Variants in ZMAT4 observed in about 807,000 individuals in gnomAD.
ZMAT4 encodes zinc finger matrin-type 4.
In ZMAT4, 17 loss-of-function variants were observed where a neutral mutation model predicts 28.7. That is an observed-to-expected ratio of 0.59 (90% CI 0.41 to 0.89). The LOEUF (loss-of-function observed/expected upper bound fraction) is 0.89, where lower values mean the gene tolerates loss of function less well. Ranked by LOEUF, ZMAT4 falls within the 40% of genes least tolerant of loss-of-function variation. ZMAT4 has a pLI of 0.00. For synonymous variants in ZMAT4, 117 were observed against 109.2 expected (o/e 1.07, Z -0.44); for missense variants, 240 against 283.8 (o/e 0.85, Z 1.11).
chr8:40,849,769 G>A (rs762014436), intron 1 of ZMAT4, among the ~76,000 whole-genome samples: 19 of 152,160 alleles, frequency 1.2e-4, no homozygotes, highest in Non-Finnish European at 2.6e-4. Flanking sequence ...TAGATCAGTG[G>A]TTGGCACAGA....
intron 4 of ZMAT4, among the ~76,000 whole-genome samples, chr8:40,688,911 A>G (rs1809538018): frequency 6.6e-6 from 1 of 152,148 alleles, no homozygotes; most frequent in Non-Finnish European, 1.5e-5. Context: ...GGATGAGCAA[A>G]TGGATTTGTG....
chr8:40,781,405 G>A (rs1007775825), intron 2 of ZMAT4, among the ~76,000 whole-genome samples: 52 of 152,228 alleles, frequency 3.4e-4, no homozygotes, highest in African/African-American at 1.2e-3. Context: ...AAAAGCTATA[G>A]TAATCAAGAC....
At chr8:40,832,456 C>T (rs866140005) in intron 1 of ZMAT4, among the ~76,000 whole-genome samples, 9 of 152,252 alleles carry the variant, frequency 5.9e-5, no homozygotes, top group South Asian at 4.1e-4. Flanking sequence ...CCTGACACCT[C>T]GAAAAGCCGC....
intron 3 of ZMAT4, among the ~76,000 whole-genome samples, chr8:40,744,147 G>T (rs555457432): frequency 1.3e-5 from 2 of 152,160 alleles, no homozygotes; most frequent in African/African-American, 4.8e-5. Flanking sequence ...AGTCCCCTCC[G>T]TGGGACCTTG....
intron 2 of ZMAT4, chr8:40,786,764 T>A (rs982600518): frequency 8.5e-6 from 11 of 1,288,622 alleles, no homozygotes; most frequent in Admixed American, 4.6e-5. Flanking sequence ...AAATTCCCCT[T>A]CCTCAAGAAT....
At chr8:40,864,546 A>T (rs1230938080) in intron 1 of ZMAT4, among the ~76,000 whole-genome samples, 1 of 152,204 alleles carries the variant, frequency 6.6e-6, no homozygotes, top group Non-Finnish European at 1.5e-5. Flanking sequence ...GAGGCATCAC[A>T]CATACCCTGT....
rs548432700 is a variant in ZMAT4 at position 40,641,883 on chromosome 8, G to A, written c.577+32821C>T. ...TTTTAAATGACTTTACAAATGTTGGGATCATGAACAAGCAGCCTGGGCAAC... is the reference window on the plus strand; with the variant it reads ...TTTTAAATGACTTTACAAATGTTGGAATCATGAACAAGCAGCCTGGGCAAC... On this transcript the variant is annotated intron_variant, in intron 5 of 6. Transcript: ENST00000297737. 1.2e-4 allele frequency among the ~76,000 whole-genome samples: 18 copies of A among 151,978 alleles called. No individual in the cohort carries two copies. The South Asian group carries it at 3.1e-3, about 26-fold the overall frequency.
At chr8:40,692,052 C>T (rs1237298983) in intron 4 of ZMAT4, among the ~76,000 whole-genome samples, 1 of 152,180 alleles carries the variant, frequency 6.6e-6, no homozygotes, top group Non-Finnish European at 1.5e-5. Flanking sequence ...GAAAATAAAA[C>T]TATAGACACT....
At chr8:40,807,009 T>G (rs970074617) in intron 2 of ZMAT4, among the ~76,000 whole-genome samples, 1 of 151,502 alleles carries the variant, frequency 6.6e-6, no homozygotes, top group African/African-American at 2.4e-5. Flanking sequence ...ATAAGAACAT[T>G]AACCAGTGTA....
At chr8:40,707,453 A>C (rs1810410055) in intron 3 of ZMAT4, among the ~76,000 whole-genome samples, 1 of 152,058 alleles carries the variant, frequency 6.6e-6, no homozygotes, top group African/African-American at 2.4e-5. Flanking sequence ...TTAAACATGA[A>C]ATTCCTCCTC....
chr8:40,715,452 A>C (rs986024120), intron 3 of ZMAT4, among the ~76,000 whole-genome samples: 1 of 152,186 alleles, frequency 6.6e-6, no homozygotes, highest in Non-Finnish European at 1.5e-5. Context: ...CAAAACCTGA[A>C]AGGCAAGCCT....
chr8:40,825,504 G>T, intron 2 of ZMAT4, 71 bp downstream of exon 2: 1 of 1,305,354 alleles, frequency 7.7e-7, no homozygotes, highest in Non-Finnish European at 1.1e-6. Context: ...GGAGGATCCT[G>T]GAGTCCTACA....
chr8:40,786,085 C>T (rs1349870461), intron 2 of ZMAT4, among the ~76,000 whole-genome samples: 3 of 152,140 alleles, frequency 2.0e-5, no homozygotes, highest in Non-Finnish European at 2.9e-5. Context: ...TTCCTTTCTT[C>T]CTTGCTGAAT....
At chr8:40,830,502 G>A (rs750568544) in intron 1 of ZMAT4, among the ~76,000 whole-genome samples, 1 of 152,040 alleles carries the variant, frequency 6.6e-6, no homozygotes, top group African/African-American at 2.4e-5. Flanking sequence ...TGCTGCAAAG[G>A]ACACTATTTC....
At chr8:40,664,501 T>C (rs1306211433) in intron 5 of ZMAT4, among the ~76,000 whole-genome samples, 1 of 152,224 alleles carries the variant, frequency 6.6e-6, no homozygotes, top group Non-Finnish European at 1.5e-5. Context: ...CATCCATCTG[T>C]CCTGCCCTCT....
intron 6 of ZMAT4, among the ~76,000 whole-genome samples, chr8:40,561,323 A>G (rs1803732199): frequency 6.6e-6 from 1 of 152,066 alleles, no homozygotes; most frequent in Non-Finnish European, 1.5e-5. Context: ...TGGCAGCTTT[A>G]GAGGGTACTC....
intron 5 of ZMAT4, among the ~76,000 whole-genome samples, chr8:40,640,370 T>A (rs2599653): frequency 1.3e-5 from 2 of 151,948 alleles, no homozygotes; most frequent in Admixed American, 6.6e-5. Flanking sequence ...ATTTATTTAG[T>A]GATACTTGAA....
At chr8:40,619,603 G>A (rs1806127627) in intron 5 of ZMAT4, among the ~76,000 whole-genome samples, 1 of 152,224 alleles carries the variant, frequency 6.6e-6, no homozygotes, top group Admixed American at 6.5e-5. Context: ...ACACAGAACA[G>A]GGAGACAGGA....
chr8:40,801,351 AATATATATATATATATATATAC>A (rs1266077879), intron 2 of ZMAT4, among the ~76,000 whole-genome samples: 2 of 97,262 alleles, frequency 2.1e-5, no homozygotes, highest in South Asian at 6.8e-4. Context: ...TAAAAAAAAA[AATATATATATATATATATATAC>A]ATATATATAT....
Sources: allele counts gnomAD v4.1 joint callset (sites outside exome capture counted in the v4.1 genomes callset), GRCh38; gene constraint gnomAD v4.1.1; transcripts MANE v1.5; gene names NCBI Gene and HGNC (gene_info 2026-07-23, HGNC 2026-07-21).